Variants in CACNA2D3 observed in about 807,000 individuals in gnomAD.
CACNA2D3 encodes calcium voltage-gated channel auxiliary subunit alpha2delta 3.
CACNA2D3 carries 60 observed loss-of-function variants against 160.6 expected under a neutral mutation model. The observed-to-expected ratio is 0.37, with a 90% CI of 0.30 to 0.46. The LOEUF is 0.46. Ranked by LOEUF, CACNA2D3 falls within the 20% of genes least tolerant of loss-of-function variation. CACNA2D3 has a pLI of 1.00. For missense variants in CACNA2D3, 1,205 were observed against 1,365.0 expected (o/e 0.88, Z 1.85); for synonymous variants, 558 against 492.9 (o/e 1.13, Z -1.75).
At chr3:54,736,369 A>G (rs1455746831) in intron 11 of CACNA2D3, among the ~76,000 whole-genome samples, 2 of 151,904 alleles carry the variant, frequency 1.3e-5, no homozygotes, top group Non-Finnish European at 2.9e-5. Context: ...TGTGAACAGT[A>G]CTGCAACATA....
chr3:54,950,123 A>G (rs1156868236), intron 27 of CACNA2D3, among the ~76,000 whole-genome samples: 1 of 152,222 alleles, frequency 6.6e-6, no homozygotes, highest in Non-Finnish European at 1.5e-5. Context: ...TGCAGCTGGA[A>G]AATGGGAGTC....
intron 14 of CACNA2D3, among the ~76,000 whole-genome samples, chr3:54,823,541 T>C (rs1703687063): frequency 6.6e-6 from 1 of 152,160 alleles, no homozygotes; most frequent in South Asian, 2.1e-4. Context: ...TGACTTGCAA[T>C]TTTATTTATA....
At chr3:54,717,939 C>T (rs1432621754) in intron 11 of CACNA2D3, among the ~76,000 whole-genome samples, 1 of 152,008 alleles carries the variant, frequency 6.6e-6, no homozygotes, top group East Asian at 1.9e-4. Flanking sequence ...TCTTAATTCC[C>T]ATCCCTGTGA....
chr3:54,390,890 T>G (rs1699267543), intron 4 of CACNA2D3, among the ~76,000 whole-genome samples: 1 of 152,138 alleles, frequency 6.6e-6, no homozygotes, highest in Non-Finnish European at 1.5e-5. Context: ...CAGATAATTG[T>G]TTTTATCAAA....
At chr3:54,376,281 G>A (rs1179081031) in intron 3 of CACNA2D3, among the ~76,000 whole-genome samples, 3 of 152,142 alleles carry the variant, frequency 2.0e-5, no homozygotes, top group African/African-American at 7.2e-5. Flanking sequence ...CTCCTTCGCC[G>A]TCACCTCTCT....
intron 35 of CACNA2D3, among the ~76,000 whole-genome samples, chr3:55,052,716 G>A (rs2122563): frequency 0.52 from 78,961 of 151,806 alleles, 20,817 homozygotes; most frequent in Admixed American, 0.61. Context: ...TAGTGAATTG[G>A]CTCCTCTGTC....
In CACNA2D3 at chr3:54,744,315, T is replaced by C. The variant is rs916780591; in HGVS notation, c.1168-8284T>C. Among the ~76,000 whole-genome samples, 4 of 152,304 alleles carry C rather than the reference T, an allele frequency of 2.6e-5. No individual in the cohort carries two copies. The South Asian group carries it at 6.2e-4, about 24-fold the overall frequency. On this transcript the variant is annotated intron_variant, in intron 11 of 37. Coordinates refer to ENST00000474759, the MANE Select transcript of CACNA2D3 (RefSeq NM_018398.3). Reference sequence around the variant, plus strand: ...ATTTTGAGGAATTTATAGTGCAAAATACAAGAGATTTATAAGACAAGGGTT... The same window carrying C: ...ATTTTGAGGAATTTATAGTGCAAAACACAAGAGATTTATAAGACAAGGGTT...
chr3:54,847,104 C>G (rs1486188934), intron 17 of CACNA2D3, among the ~76,000 whole-genome samples: 1 of 152,132 alleles, frequency 6.6e-6, no homozygotes, highest in Non-Finnish European at 1.5e-5. Flanking sequence ...AGGGTTAGGC[C>G]AAATCCAAAA....
At chr3:54,903,422 G>A (rs1700384455) in intron 27 of CACNA2D3, among the ~76,000 whole-genome samples, 1 of 152,182 alleles carries the variant, frequency 6.6e-6, no homozygotes, top group African/African-American at 2.4e-5. Context: ...ATTCCATGGT[G>A]TATATGTACC....
chr3:54,160,359 G>A lies in CACNA2D3; in HGVS notation c.204+36765G>A, dbSNP rs1022575905. Among the ~76,000 whole-genome samples the A allele has an allele frequency of 3.3e-5, 5 of 152,308 alleles. No individual in the cohort carries two copies. In the South Asian group the frequency reaches 8.3e-4, roughly 25 times the overall value. On this transcript the variant is annotated intron_variant, in intron 2 of 37. Coordinates refer to ENST00000474759, the MANE Select transcript of CACNA2D3 (RefSeq NM_018398.3). ...ACTAAAAATACAAAAATTTAGCTGGGTGTGGTGGCGGGCGCCTGTAATTCC... is the reference window on the plus strand; with the variant it reads ...ACTAAAAATACAAAAATTTAGCTGGATGTGGTGGCGGGCGCCTGTAATTCC...
chr3:54,694,391 T>C (rs191938473), intron 11 of CACNA2D3, among the ~76,000 whole-genome samples: 192 of 152,328 alleles, frequency 1.3e-3, no homozygotes, highest in African/African-American at 4.5e-3. Flanking sequence ...AATCTTGTAA[T>C]AACACATTTT....
intron 9 of CACNA2D3, among the ~76,000 whole-genome samples, chr3:54,624,331 A>G (rs1434160348): frequency 6.6e-6 from 1 of 152,236 alleles, no homozygotes; most frequent in Non-Finnish European, 1.5e-5. Flanking sequence ...GTTTAAAAAA[A>G]TGCTCTGTAG....
intron 35 of CACNA2D3, among the ~76,000 whole-genome samples, chr3:55,050,834 C>T (rs1704185024): frequency 7.6e-6 from 1 of 131,970 alleles, no homozygotes. Context: ...AACTTCCCTT[C>T]TCGCTTCATT....
At chr3:54,878,009 A>G (rs1234192773) in intron 18 of CACNA2D3, among the ~76,000 whole-genome samples, 2 of 152,158 alleles carry the variant, frequency 1.3e-5, no homozygotes, top group African/African-American at 4.8e-5. Flanking sequence ...TCTAGAGTAA[A>G]ATATATGTTT....
In CACNA2D3 at chr3:54,440,350, G is replaced by C. The variant is rs183438836; in HGVS notation, c.381+53576G>C. ...TCTGGAGGAAGCCCACCCTAACCAT[G>C]TTCTTTTCTATCTTCAAACTGCTTT... On this transcript the variant is annotated intron_variant, in intron 4 of 37. Transcript: ENST00000474759. Among the ~76,000 whole-genome samples the C allele has an allele frequency of 4.6e-5, 7 of 152,078 alleles. 1 individual carries two copies. Among genetic ancestry groups the C allele is most frequent in the Non-Finnish European group, 4.4e-5 (3 of 67,976 alleles).
chr3:54,333,950 G>C (rs530759131), intron 3 of CACNA2D3, among the ~76,000 whole-genome samples: 1 of 152,312 alleles, frequency 6.6e-6, no homozygotes, highest in East Asian at 1.9e-4. Context: ...CAATGGCTGT[G>C]GTTCTCCAAG....
intron 2 of CACNA2D3, among the ~76,000 whole-genome samples, chr3:54,245,001 A>C (rs1010606726): frequency 6.6e-6 from 1 of 152,202 alleles, no homozygotes; most frequent in African/African-American, 2.4e-5. Flanking sequence ...TGAGCAGCTT[A>C]AAACGTGTTG....
At chr3:54,655,284 C>T (rs1235347769) in intron 11 of CACNA2D3, among the ~76,000 whole-genome samples, 1 of 152,120 alleles carries the variant, frequency 6.6e-6, no homozygotes, top group Non-Finnish European at 1.5e-5. Context: ...TCAATTTCTC[C>T]ATCTGTAAAA....
At chr3:54,589,855 A>G (rs1702827575) in intron 9 of CACNA2D3, among the ~76,000 whole-genome samples, 1 of 152,222 alleles carries the variant, frequency 6.6e-6, no homozygotes, top group Non-Finnish European at 1.5e-5. Context: ...GTTAGATATC[A>G]CTATACCTAT....
Sources: gnomAD v4.1 joint callset for allele counts (sites outside exome capture counted in the v4.1 genomes callset) on GRCh38, gnomAD v4.1.1 for gene constraint, MANE v1.5 for transcripts, NCBI Gene and HGNC (gene_info 2026-07-23, HGNC 2026-07-21) for gene names.